The following ATRNL1 variants were observed in gnomAD, a reference collection of about 807,000 sequenced individuals.
The protein encoded by ATRNL1 is attractin like 1.
Under a neutral mutation model 182.7 loss-of-function variants are expected in ATRNL1, and 95 were observed. The ratio of observed to expected loss-of-function variants is 0.52; its 90% confidence interval spans 0.44 to 0.62. The LOEUF (loss-of-function observed/expected upper bound fraction) is 0.62. Among genes scored for constraint, ATRNL1 ranks in the 20% least tolerant of loss-of-function variants. The pLI is 0.00. For missense variants in ATRNL1, 1,471 were observed against 1,679.5 expected (o/e 0.88, Z 2.17); for synonymous variants, 576 against 568.3 (o/e 1.01, Z -0.19).
chr10:115,696,120 G>A (rs562290662), intron 26 of ATRNL1, among the ~76,000 whole-genome samples: 6 of 147,262 alleles, frequency 4.1e-5, no homozygotes, highest in Non-Finnish European at 7.7e-5. Flanking sequence ...GGATGGTCTC[G>A]ATCTCCTGAG....
intron 26 of ATRNL1, among the ~76,000 whole-genome samples, chr10:115,621,319 T>A (rs920137457): frequency 0.019 from 1,984 of 102,184 alleles, 66 homozygotes; most frequent in African/African-American, 0.065. Context: ...AGAGAGTGTG[T>A]GAGTGAGTCA....
intron 21 of ATRNL1, among the ~76,000 whole-genome samples, chr10:115,433,483 C>CA (rs538131155): frequency 7.2e-4 from 109 of 152,192 alleles, no homozygotes; most frequent in South Asian, 1.4e-3. Context: ...TCTTAATAAA[C>CA]ACCAATAATC....
Position 115,456,803 on chromosome 10 carries a change from G to A in ATRNL1, c.3323-5138G>A, listed in dbSNP as rs150319475. ...AACACTCTGCTGTAGAAAAACATAC[G>A]AATATACTGATCAGTCTCACTTCAG... On this transcript the variant is annotated intron_variant, in intron 21 of 28. Coordinates refer to ENST00000355044, the MANE Select transcript of ATRNL1 (RefSeq NM_207303.4). Among the ~76,000 whole-genome samples, 230 of 152,082 alleles carry A rather than the reference G, an allele frequency of 1.5e-3. 1 individual carries two copies. Among genetic ancestry groups the A allele is most frequent in the African/African-American group, 5.3e-3 (218 of 41,486 alleles).
chr10:115,470,677 T>A (rs1035872599), intron 24 of ATRNL1, among the ~76,000 whole-genome samples: 24 of 150,684 alleles, frequency 1.6e-4, no homozygotes, highest in Admixed American at 1.3e-3. Context: ...GGAATTAACT[T>A]TCTAAATTGG....
chr10:115,740,662 T>C (rs1234399870), intron 27 of ATRNL1, among the ~76,000 whole-genome samples: 1 of 152,074 alleles, frequency 6.6e-6, no homozygotes, highest in African/African-American at 2.4e-5. Context: ...CACACCACCA[T>C]GCCTTGCTAA....
At chr10:115,615,832 A>G (rs1413433321) in intron 26 of ATRNL1, among the ~76,000 whole-genome samples, 2 of 152,194 alleles carry the variant, frequency 1.3e-5, no homozygotes, top group Non-Finnish European at 2.9e-5. Context: ...TGAGCCAAGT[A>G]AACCCATTTT....
intron 28 of ATRNL1, among the ~76,000 whole-genome samples, chr10:115,888,257 C>A (rs574415997): frequency 1.4e-4 from 21 of 152,332 alleles, no homozygotes; most frequent in African/African-American, 4.6e-4. Flanking sequence ...TAATTAGATT[C>A]TTTCCTCTTG....
At chr10:115,658,459 A>G (rs979159282) in intron 26 of ATRNL1, among the ~76,000 whole-genome samples, 4 of 152,102 alleles carry the variant, frequency 2.6e-5, no homozygotes, top group African/African-American at 7.2e-5. Context: ...AGACTATTCT[A>G]TTAGTATCCT....
intron 27 of ATRNL1, among the ~76,000 whole-genome samples, chr10:115,748,648 C>T (rs1565344482): frequency 1.3e-5 from 2 of 151,654 alleles, no homozygotes; most frequent in Admixed American, 1.3e-4. Flanking sequence ...ACATTTTCAC[C>T]CACATTGCTT....
rs548480494 is a variant in ATRNL1, at chr10:115,750,274, T to G, written c.3903+22919T>G. ...AGTTTTATAATAAAATATAATAGTT[T>G]AAAAGAAAGGTCTATTAATAAAAAC... On this transcript the variant is annotated intron_variant, in intron 27 of 28. Coordinates refer to ENST00000355044, the MANE Select transcript of ATRNL1 (RefSeq NM_207303.4). 1.6e-3 allele frequency among the ~76,000 whole-genome samples: 244 copies of G among 151,938 alleles called. 12 individuals are homozygous for G. In the South Asian group the frequency reaches 0.049, roughly 30 times the overall value.
intron 26 of ATRNL1, among the ~76,000 whole-genome samples, chr10:115,725,405 G>A (rs1555059646): frequency 6.6e-6 from 1 of 152,086 alleles, no homozygotes; most frequent in Non-Finnish European, 1.5e-5. Context: ...ATGTGATATT[G>A]AGTATTCATT....
chr10:115,396,268 G>T (rs782128092), intron 20 of ATRNL1, among the ~76,000 whole-genome samples: 1 of 151,770 alleles, frequency 6.6e-6, no homozygotes, highest in South Asian at 2.1e-4. Context: ...GGCCATTTTG[G>T]TCTTAAAACC....
chr10:115,588,224 C>T (rs1855686237), intron 26 of ATRNL1, among the ~76,000 whole-genome samples: 1 of 152,124 alleles, frequency 6.6e-6, no homozygotes, highest in Non-Finnish European at 1.5e-5. Context: ...CCCTCTCTCA[C>T]CCCCAACTCT....
At chr10:115,269,172 A>G (rs1851733656) in intron 13 of ATRNL1, among the ~76,000 whole-genome samples, 2 of 152,150 alleles carry the variant, frequency 1.3e-5, no homozygotes, top group African/African-American at 2.4e-5. Context: ...ATTGCAGAAT[A>G]AAAAAACATA....
intron 5 of ATRNL1, among the ~76,000 whole-genome samples, chr10:115,143,888 C>T (rs1845854996): frequency 1.3e-5 from 2 of 152,108 alleles, no homozygotes; most frequent in South Asian, 4.1e-4. Context: ...AGAGCCCCAC[C>T]TACTAATACT....
chr10:115,111,197 T>C (rs1844240944), intron 1 of ATRNL1, among the ~76,000 whole-genome samples: 1 of 152,220 alleles, frequency 6.6e-6, no homozygotes, highest in Admixed American at 6.5e-5. Context: ...AAGAGAAGTA[T>C]TCCCTGATTA....
intron 28 of ATRNL1, among the ~76,000 whole-genome samples, chr10:115,931,994 C>A (rs1226649342): frequency 1.3e-5 from 2 of 152,172 alleles, no homozygotes; most frequent in African/African-American, 2.4e-5. Flanking sequence ...GAAGTCTGTT[C>A]TCTCTCTGAT....
chr10:115,127,988 G>A (rs1009720577), intron 4 of ATRNL1, among the ~76,000 whole-genome samples: 3 of 152,176 alleles, frequency 2.0e-5, no homozygotes, highest in African/African-American at 4.8e-5. Context: ...ACAAGTACTA[G>A]TGTAGCTTTA....
intron 18 of ATRNL1, among the ~76,000 whole-genome samples, chr10:115,326,738 A>G (rs1216882074): frequency 1.3e-5 from 2 of 151,804 alleles, no homozygotes; most frequent in African/African-American, 2.4e-5. Context: ...AAACAGAGAT[A>G]TAGATCAATG....
Sources: allele counts gnomAD v4.1 joint callset (sites outside exome capture counted in the v4.1 genomes callset), GRCh38; gene constraint gnomAD v4.1.1; transcripts MANE v1.5; gene names NCBI Gene and HGNC (gene_info 2026-07-23, HGNC 2026-07-21).